The following TAS2R1 variants were observed in gnomAD, a reference collection of about 807,000 sequenced individuals.
The protein encoded by TAS2R1 is taste receptor type 2 member 1.
For missense variants in TAS2R1, 370 were observed against 353.4 expected (o/e 1.05, Z -0.38); for synonymous variants, 141 against 134.2 (o/e 1.05, Z -0.35).
chr5:9,766,896 C>A, the TAS2R1 span, among the ~76,000 whole-genome samples: 1 of 152,164 alleles, frequency 6.6e-6, no homozygotes, highest in Admixed American at 6.5e-5. Flanking sequence ...TTTCCTCCAC[C>A]GCCCTGGCTG....
the TAS2R1 span, among the ~76,000 whole-genome samples, chr5:9,783,122 T>C: frequency 6.6e-6 from 1 of 152,202 alleles, no homozygotes; most frequent in Admixed American, 6.5e-5. Flanking sequence ...CTTACTCTAT[T>C]GGCTTTTGAA....
At chr5:9,739,450 A>T in the TAS2R1 span, among the ~76,000 whole-genome samples, 1 of 152,196 alleles carries the variant, frequency 6.6e-6, no homozygotes, top group African/African-American at 2.4e-5. Context: ...TTGAAAATGG[A>T]ATTAATAAAA....
the TAS2R1 span, among the ~76,000 whole-genome samples, chr5:9,758,551 C>T: frequency 6.6e-6 from 1 of 152,106 alleles, no homozygotes; most frequent in Admixed American, 6.5e-5. Flanking sequence ...GAGAAGAGAC[C>T]ATTATTGTCC....
the TAS2R1 span, among the ~76,000 whole-genome samples, chr5:9,860,618 G>C: frequency 6.6e-6 from 1 of 152,264 alleles, no homozygotes; most frequent in East Asian, 1.9e-4. Flanking sequence ...GCAGAAATTA[G>C]GAAAAGCCTT....
chr5:9,816,448 G>GTTTT, the TAS2R1 span, among the ~76,000 whole-genome samples: 1 of 151,962 alleles, frequency 6.6e-6, no homozygotes, highest in Non-Finnish European at 1.5e-5. Flanking sequence ...AAATTACCAG[G>GTTTT]AATGGAGAAT....
At chr5:9,717,855 T>A in the TAS2R1 span, among the ~76,000 whole-genome samples, 35 of 152,268 alleles carry the variant, frequency 2.3e-4, no homozygotes, top group African/African-American at 7.2e-4. Flanking sequence ...AAAGGCTAGG[T>A]CTGACTTAAA....
chr5:9,710,947 A>T (rs1741722090), intron 1 of TAS2R1, among the ~76,000 whole-genome samples: 1 of 143,500 alleles, frequency 7.0e-6, no homozygotes, highest in Non-Finnish European at 1.5e-5. Flanking sequence ...TATTATATAT[A>T]ATATATAATT....
At chr5:9,886,255 C>A in the TAS2R1 span, among the ~76,000 whole-genome samples, 2 of 150,986 alleles carry the variant, frequency 1.3e-5, no homozygotes, top group East Asian at 3.9e-4. Context: ...TGGTCTGGAA[C>A]TTCTGAGCTC....
At chr5:9,818,164 G>A in the TAS2R1 span, among the ~76,000 whole-genome samples, 3 of 152,154 alleles carry the variant, frequency 2.0e-5, no homozygotes, top group Admixed American at 6.5e-5. Context: ...AGGCTGTCAC[G>A]TCCTTAAGGC....
chr5:9,797,287 T>C, the TAS2R1 span, among the ~76,000 whole-genome samples: 1 of 152,164 alleles, frequency 6.6e-6, no homozygotes, highest in Admixed American at 6.5e-5. Flanking sequence ...ACTGCTGACG[T>C]ACCCTACAAT....
chr5:9,796,320 C>T, the TAS2R1 span, among the ~76,000 whole-genome samples: 13 of 152,292 alleles, frequency 8.5e-5, no homozygotes, highest in African/African-American at 1.2e-4. Flanking sequence ...CCCCACTGGG[C>T]CCAGGCACCA....
At chr5:9,870,928 T>A in the TAS2R1 span, among the ~76,000 whole-genome samples, 1 of 152,168 alleles carries the variant, frequency 6.6e-6, no homozygotes, top group African/African-American at 2.4e-5. Flanking sequence ...AGGTAGTAAT[T>A]TTCTCAAAAT....
the TAS2R1 span, among the ~76,000 whole-genome samples, chr5:9,724,989 T>C: frequency 6.6e-6 from 1 of 152,238 alleles, no homozygotes; most frequent in Non-Finnish European, 1.5e-5. Context: ...TGAAACACAT[T>C]GGTGCTGTGC....
In TAS2R1 at chr5:9,628,665, G is replaced by A. The variant is rs527265843; in HGVS notation, c.*468C>T. 1.3e-4 allele frequency among the ~76,000 whole-genome samples: 20 copies of A among 152,326 alleles called. No homozygotes were observed. The highest frequency in any genetic ancestry group is 3.8e-4 in the African/African-American group (16 of 41,582). Reference sequence around the variant, plus strand: ...TAGACAAGAAATGAACAGTCAGCCCGTTAAGGTCAGGAAAAACCATCAAAG... The same window carrying A: ...TAGACAAGAAATGAACAGTCAGCCCATTAAGGTCAGGAAAAACCATCAAAG... On this transcript the variant is annotated 3_prime_UTR_variant, in exon 1 of 1. Transcript: ENST00000382492.
the TAS2R1 span, among the ~76,000 whole-genome samples, chr5:9,861,936 A>G: frequency 6.6e-6 from 1 of 152,226 alleles, no homozygotes. Flanking sequence ...GCATAATGGA[A>G]CGAATTGAGT....
intron 1 of TAS2R1, among the ~76,000 whole-genome samples, chr5:9,662,319 T>G (rs1237972553): frequency 6.6e-6 from 1 of 152,238 alleles, no homozygotes; most frequent in Non-Finnish European, 1.5e-5. Context: ...TCCCACTGCA[T>G]GGCCATCGTG....
chr5:9,757,899 GT>G, the TAS2R1 span, among the ~76,000 whole-genome samples: 1 of 145,570 alleles, frequency 6.9e-6, no homozygotes, highest in African/African-American at 2.5e-5. Flanking sequence ...ATTTTAGAAA[GT>G]TTAGGCTATT....
intron 2 of TAS2R1, among the ~76,000 whole-genome samples, chr5:9,650,835 A>G (rs1740290384): frequency 6.6e-6 from 1 of 152,156 alleles, no homozygotes; most frequent in African/African-American, 2.4e-5. Context: ...TTAGAACATA[A>G]ACTATTTTTC....
At position 9,690,336 on chromosome 5, in the gene TAS2R1, AT is replaced by A. The variant is rs1741214504; in HGVS notation, c.-242+21835del. On this transcript the variant is annotated intron_variant, in intron 1 of 2. Coordinates refer to the TAS2R1 transcript ENST00000506620. ...TTGTGATTTGTATTATTGTGTAGTGATTTTTAACTAGAATATCCATGTCTAT... is the reference window on the plus strand; with the variant it reads ...TTGTGATTTGTATTATTGTGTAGTGATTTTAACTAGAATATCCATGTCTAT... Among the ~76,000 whole-genome samples, 5 of 152,222 alleles carry A rather than the reference AT, an allele frequency of 3.3e-5. No homozygotes were observed. In the South Asian group the frequency reaches 1.0e-3, roughly 32 times the overall value.
Sources: gnomAD v4.1 joint callset for allele counts (sites outside exome capture counted in the v4.1 genomes callset) on GRCh38, gnomAD v4.1.1 for gene constraint, MANE v1.5 for transcripts, NCBI Gene and HGNC (gene_info 2026-07-23, HGNC 2026-07-21) for gene names.